MINAR1: variants seen among roughly 807,000 people sequenced by gnomAD.
MINAR1 encodes the protein major intrinsically disordered Notch2-binding receptor 1.
Under a neutral mutation model 65.1 loss-of-function variants are expected in MINAR1, and 40 were observed. The ratio of observed to expected loss-of-function variants is 0.61; its 90% CI spans 0.48 to 0.80. The LOEUF (loss-of-function observed/expected upper bound fraction) is 0.80. Ranked by LOEUF, MINAR1 falls within the 30% of genes least tolerant of loss-of-function variation. MINAR1 has a pLI of 0.00. For synonymous variants in MINAR1, 482 were observed against 449.1 expected (o/e 1.07, Z -0.93); for missense variants, 1,128 against 1,148.0 (o/e 0.98, Z 0.25).
In MINAR1 at chr15:79,468,760, G is replaced by T. The variant is rs542517222; in HGVS notation, c.*376G>T. 4.5e-6 allele frequency: 1 copy of T among 223,640 alleles called. No individual in the cohort carries two copies. 13.9% of individuals were successfully genotyped at this position (223,640 alleles called of 1,614,324 possible). A position where few individuals can be genotyped will look rare whatever the true frequency, so the allele number is the denominator to read the frequency against. ...GTTATACAGAAGATATTTAATACACGCCTCTTTAGAAGAAACTAAGGGAAA... is the reference window on the plus strand; with the variant it reads ...GTTATACAGAAGATATTTAATACACTCCTCTTTAGAAGAAACTAAGGGAAA... On this transcript the variant is annotated 3_prime_UTR_variant, in exon 4 of 4. Coordinates refer to ENST00000305428, the MANE Select transcript of MINAR1 (RefSeq NM_015206.3).
rs1595961853 is a variant in MINAR1, at chr15:79,471,342, T to C, written c.*2958T>C. On this transcript the variant is annotated 3_prime_UTR_variant, in exon 4 of 4. Transcript: ENST00000305428. ...AAATATCCTTAACCAATGATTAAAT[T>C]CATAATCATTTCATCTTCTTTCATA... The C allele has an allele frequency of 6.6e-6, 1 of 152,654 alleles. No homozygotes were observed. Among genetic ancestry groups the C allele is most frequent in the African/African-American group, 2.4e-5 (1 of 41,462 alleles). 9.5% of individuals were successfully genotyped at this position (152,654 alleles called of 1,614,324 possible).
At chr15:79,445,891 A>T (rs987365879) in intron 1 of MINAR1, among the ~76,000 whole-genome samples, 3 of 152,140 alleles carry the variant, frequency 2.0e-5, no homozygotes, top group African/African-American at 7.2e-5. Flanking sequence ...TAGTCTTTGC[A>T]TTTTATTTTA....
the MINAR1 span, chr15:79,411,432 C>A: frequency 4.3e-6 from 3 of 702,420 alleles, no homozygotes; most frequent in African/African-American, 5.2e-5. Flanking sequence ...AGGAGGTGGA[C>A]AAGATGGTCG....
At chr15:79,463,991 C>T (rs1380903705) in intron 3 of MINAR1, among the ~76,000 whole-genome samples, 2 of 152,210 alleles carry the variant, frequency 1.3e-5, no homozygotes, top group Non-Finnish European at 2.9e-5. Flanking sequence ...GCCATAGCAC[C>T]AGGAGTGCCC....
chr15:79,462,368 G>C (rs1228979574), intron 2 of MINAR1, among the ~76,000 whole-genome samples: 1 of 152,098 alleles, frequency 6.6e-6, no homozygotes, highest in Admixed American at 6.6e-5. Context: ...AGAAACCCTT[G>C]GCTTGCATTT....
rs1896090963 is a variant in MINAR1 at position 79,471,720 on chromosome 15, T to G, written c.*3336T>G. The G allele has an allele frequency of 6.6e-6, 1 of 152,506 alleles. No homozygotes were observed. The highest frequency in any genetic ancestry group is 2.4e-5 in the African/African-American group (1 of 41,418). The allele number at this position is 152,506 out of a possible 1,614,324, so 9.4% of individuals were successfully genotyped here. On this transcript the variant is annotated 3_prime_UTR_variant, in exon 4 of 4. Transcript: ENST00000305428. ...CATCACATTTGTTGTTGTTGTTTTT[T>G]TTTTTGAAATAGAAAAAAACAGAAG...
chr15:79,463,959 A>C (rs1293134465), intron 3 of MINAR1, among the ~76,000 whole-genome samples: 2 of 152,206 alleles, frequency 1.3e-5, no homozygotes, highest in Non-Finnish European at 2.9e-5. Context: ...CTACCTGTGC[A>C]CTTAGCTTTG....
chr15:79,424,220 G>C, the MINAR1 span: 1 of 152,186 alleles, frequency 6.6e-6, no homozygotes, highest in African/African-American at 2.4e-5. Flanking sequence ...CTCAGAATGA[G>C]GCTTAGTTAC....
At chr15:79,416,231 C>G in the MINAR1 span, 1 of 152,232 alleles carries the variant, frequency 6.6e-6, no homozygotes, top group Non-Finnish European at 1.5e-5. Context: ...CTATGGACAG[C>G]TTTCAGAAAA....
intron 1 of MINAR1, among the ~76,000 whole-genome samples, chr15:79,433,381 G>A (rs943911321): frequency 1.3e-5 from 2 of 152,236 alleles, no homozygotes; most frequent in Non-Finnish European, 2.9e-5. Flanking sequence ...GGAAGATAAG[G>A]TTGTGTTCAG....
Position 79,469,572 on chromosome 15 carries a change from T to A in MINAR1, c.*1188T>A. 6.6e-6 allele frequency: 1 copy of A among 152,562 alleles called. No individual in the cohort carries two copies. The highest frequency in any genetic ancestry group is 1.9e-4 in the East Asian group (1 of 5,200). The allele number at this position is 152,562 out of a possible 1,614,324, so 9.5% of individuals were successfully genotyped here. ...ATCTATCTATATGTCTATCTATCTA[T>A]CTAAATACTTGATTTTTATTTATTG... is the stretch of plus-strand genomic sequence containing the variant. On this transcript the variant is annotated 3_prime_UTR_variant, in exon 4 of 4. Coordinates refer to ENST00000305428, the MANE Select transcript of MINAR1 (RefSeq NM_015206.3).
In MINAR1 at chr15:79,469,037, C is replaced by G. The variant is rs1895978026; in HGVS notation, c.*653C>G. ...GTGAGAAGGAGCTGGACTACCAAGT[C>G]AGGCGTGGAATGAAGTATGCTCAGA... is the stretch of plus-strand genomic sequence containing the variant. On this transcript the variant is annotated 3_prime_UTR_variant, in exon 4 of 4. Transcript: ENST00000305428. 6.5e-6 allele frequency: 1 copy of G among 154,834 alleles called. No individual in the cohort carries two copies. The allele number at this position is 154,834 out of a possible 1,614,324, so 9.6% of individuals were successfully genotyped here.
intron 1 of MINAR1, among the ~76,000 whole-genome samples, chr15:79,433,628 A>G (rs1311446651): frequency 6.6e-6 from 1 of 152,178 alleles, no homozygotes; most frequent in Non-Finnish European, 1.5e-5. Context: ...TATGCATGGC[A>G]TGAAGAGTTG....
In MINAR1 at chr15:79,457,228, C is replaced by T; in HGVS notation, c.1081C>T (p.Gln361Ter). ...ARRCLGKPNK[Q>*]TPWPAKSWSL... ...GCGCTGTCTAGGGAAGCCCAACAAG[C>T]AGACTCCCTGGCCAGCCAAAAGCTG... Residue 361 changes from glutamine to a stop codon, truncating the protein, a stop_gained, in exon 2 of 4, where the codon CAG (glutamine) becomes TAG (stop). Transcript: ENST00000305428. LOFTEE classifies it high-confidence loss of function. 1.2e-6 allele frequency: 2 copies of T among 1,614,058 alleles called. No homozygotes were observed. Among genetic ancestry groups the T allele is most frequent in the Non-Finnish European group, 1.7e-6 (2 of 1,179,972 alleles).
At chr15:79,460,871 C>A (rs1246621932) in intron 2 of MINAR1, among the ~76,000 whole-genome samples, 2 of 152,234 alleles carry the variant, frequency 1.3e-5, no homozygotes, top group African/African-American at 4.8e-5. Context: ...CATGCTCATT[C>A]ATTTGGTCAC....
At chr15:79,440,538 C>A (rs1328337671) in intron 1 of MINAR1, among the ~76,000 whole-genome samples, 1 of 152,182 alleles carries the variant, frequency 6.6e-6, no homozygotes, top group Non-Finnish European at 1.5e-5. Flanking sequence ...GCCATCATGC[C>A]CAGGCAGGCA....
At chr15:79,428,991 G>C (rs1431886146), upstream of MINAR1, among the ~76,000 whole-genome samples, 1 of 152,168 alleles carries the variant, frequency 6.6e-6, no homozygotes, top group Non-Finnish European at 1.5e-5. Flanking sequence ...GTAGAGAGGA[G>C]GTAGGAAAGG....
the MINAR1 span, chr15:79,424,617 C>T: frequency 2.0e-5 from 3 of 152,304 alleles, no homozygotes; most frequent in East Asian, 3.9e-4. Context: ...CATGAAAGTA[C>T]AGAGATGATT....
chr15:79,424,549 G>A, the MINAR1 span: 8 of 152,178 alleles, frequency 5.3e-5, no homozygotes, highest in African/African-American at 1.7e-4. Flanking sequence ...CTGCTGCAGC[G>A]TGAGGATATT....
Sources: gnomAD v4.1 joint callset for allele counts (sites outside exome capture counted in the v4.1 genomes callset) on GRCh38, gnomAD v4.1.1 for gene constraint, MANE v1.5 for transcripts, NCBI Gene and HGNC (gene_info 2026-07-23, HGNC 2026-07-21) for gene names.